EP400: variants seen among roughly 807,000 people sequenced by gnomAD.
EP400 encodes E1A-binding protein p400.
Under a neutral mutation model 354.1 loss-of-function variants are expected in EP400, and 105 were observed. The observed-to-expected ratio is 0.30, with a 90% CI of 0.25 to 0.35. The LOEUF (loss-of-function observed/expected upper bound fraction) is 0.35. Among genes scored for constraint, EP400 ranks in the 10% least tolerant of loss-of-function variants. EP400 has a pLI of 1.00. For missense variants in EP400, 3,280 were observed against 4,121.0 expected, an observed-to-expected ratio of 0.80 and a Z score of 5.59; for synonymous variants, 1,646 against 1,716.9, an observed-to-expected ratio of 0.96 and a Z score of 1.02.
At chr12:132,020,251 T>C (rs760881246) in intron 22 of EP400, 33 bp downstream of exon 22, 4 of 1,542,538 alleles carry the variant, frequency 2.6e-6, no homozygotes, top group Non-Finnish European at 3.5e-6. Context: ...CTCTCCGCCT[T>C]ATGGAGGTTT....
At chr12:132,003,514 T>C (rs1229183513) in intron 12 of EP400, among the ~76,000 whole-genome samples, 1 of 152,204 alleles carries the variant, frequency 6.6e-6, no homozygotes, top group African/African-American at 2.4e-5. Context: ...AGGTTTTTTT[T>C]TCTTCGATTT....
intron 50 of EP400, 64 bp from the exon 51 acceptor site, chr12:132,069,431 G>A: frequency 6.3e-7 from 1 of 1,579,316 alleles, no homozygotes; most frequent in East Asian, 2.2e-5. Flanking sequence ...AGAGCGGGCA[G>A]GCGTCCCGGG....
chr12:132,022,221 G>A (rs1894144080), intron 23 of EP400, among the ~76,000 whole-genome samples: 1 of 152,240 alleles, frequency 6.6e-6, no homozygotes, highest in Non-Finnish European at 1.5e-5. Context: ...TCTTGCGTGG[G>A]ATGAGAGTCA....
rs1424953807 is a variant in EP400 at position 132,029,994 on chromosome 12, T to A, written c.5590T>A (p.Leu1864Met). The change falls in exon 29 of 53, where the codon TTG (leucine) becomes ATG (methionine). Residue 1864 changes from leucine (L) to methionine (M), a missense_variant. This residue lies in a region of EP400 where 459 missense variants were observed against 496.9 expected (regional missense o/e 0.92). Transcript: ENST00000389561. This position sits in a 1 kb window ranked among gnomAD's most constrained non-coding sequence, Gnocchi z 4.7. ...TGATGTGATTCGTTTCCCAGGGAAGTTGGAAGCTTTAGCTATCTTGCTTCA... is the reference window on the plus strand; with the variant it reads ...TGATGTGATTCGTTTCCCAGGGAAGATGGAAGCTTTAGCTATCTTGCTTCA... ...LRLVQFDSGK[L>M]EALAILLQKL... 1 of 1,614,084 alleles carries A rather than the reference T, an allele frequency of 6.2e-7. No individual in the cohort carries two copies. The highest frequency in any genetic ancestry group is 1.7e-5 in the Admixed American group (1 of 60,022).
chr12:132,018,481 A>T lies in EP400; in HGVS notation c.4277+105A>T. The T allele has an allele frequency of 3.5e-6, 5 of 1,444,026 alleles. No homozygotes were observed. The highest frequency in any genetic ancestry group is 4.6e-6 in the Non-Finnish European group (5 of 1,083,304). 89.5% of individuals were successfully genotyped at this position (1,444,026 alleles called of 1,614,324 possible). On this transcript the variant is annotated intron_variant, in intron 21 of 52. Coordinates refer to ENST00000389561, the MANE Select transcript of EP400 (RefSeq NM_015409.5). This position sits in a 1 kb window ranked among gnomAD's most constrained non-coding sequence, Gnocchi z 4.0. Reference sequence around the variant, plus strand: ...GAAAGGCTGCTAATGTAGTTAGGTTATCTGCTGCTCTTGGGACCTTGCTGG... The same window carrying T: ...GAAAGGCTGCTAATGTAGTTAGGTTTTCTGCTGCTCTTGGGACCTTGCTGG...
rs915805442 is a variant in EP400, at chr12:132,044,987, G to T, written c.6784+34G>T. On this transcript the variant is annotated intron_variant, in intron 37 of 52. Transcript: ENST00000389561. ...CCCGAGGGCGTCACATGACCTGGGG[G>T]GGCCCTGGCCTGCAGAATCCCTGCA... 8.1e-6 allele frequency: 13 copies of T among 1,610,548 alleles called. No individual in the cohort carries two copies. In the Admixed American group the frequency reaches 1.5e-4, roughly 19 times the overall value.
rs1206745427 is a variant in EP400, at chr12:132,031,950, T to C, written c.5755-3T>C. ...CTAACTCCTGTGTTTTGTTTCATCT[T>C]AGGAACTGATGAGGAGTTTCAACAG... On this transcript the variant is annotated splice_polypyrimidine_tract_variant and splice_region_variant and intron_variant, in intron 29 of 52. Coordinates refer to ENST00000389561, the MANE Select transcript of EP400 (RefSeq NM_015409.5). 6.2e-6 allele frequency: 10 copies of C among 1,603,692 alleles called. No individual in the cohort carries two copies. Among genetic ancestry groups the C allele is most frequent in the Admixed American group, 1.7e-5 (1 of 59,150 alleles).
rs763971230 is a variant in EP400, at chr12:132,013,026, C to T, written c.3459C>T (p.Asn1153=). The T allele has an allele frequency of 6.2e-7, 1 of 1,612,120 alleles. No homozygotes were observed. The highest frequency in any genetic ancestry group is 1.1e-5 in the South Asian group (1 of 90,952). The part of the protein sequence containing the change: ...KAKRQEWAEP[N]SFHVCITSYT... ...TGCTGCAGGAGTGGGCCGAACCCAACAGCTTCCACGTCTGCATCACGTCCT... is the reference window on the plus strand; with the variant it reads ...TGCTGCAGGAGTGGGCCGAACCCAATAGCTTCCACGTCTGCATCACGTCCT... The change falls in exon 17 of 53, where the codon AAC becomes AAT. Residue 1153 remains asparagine, a synonymous_variant. Transcript: ENST00000389561. The surrounding 1 kb of genome is among the most constrained non-coding windows in gnomAD (Gnocchi z 4.5).
At chr12:131,950,606 G>A (rs1333918359) in intron 1 of EP400, among the ~76,000 whole-genome samples, 1 of 152,190 alleles carries the variant, frequency 6.6e-6, no homozygotes, top group Non-Finnish European at 1.5e-5. Flanking sequence ...GCTCCTTCTC[G>A]GCGTAGACCT....
chr12:131,968,878 C>T (rs1185192144), intron 2 of EP400, among the ~76,000 whole-genome samples: 1 of 152,016 alleles, frequency 6.6e-6, no homozygotes, highest in Non-Finnish European at 1.5e-5. Context: ...TATAGGTATA[C>T]AGTTGATTAT....
chr12:131,957,553 A>C (rs1307950771), intron 1 of EP400, among the ~76,000 whole-genome samples: 1 of 149,338 alleles, frequency 6.7e-6, no homozygotes, highest in African/African-American at 2.5e-5. Context: ...TAAATGTAAA[A>C]CTTGGAAAGT....
rs145207337 is a variant in EP400, at chr12:131,957,579, CTTTA to C, written c.-35-2982_-35-2979del. 1.2e-3 allele frequency among the ~76,000 whole-genome samples: 168 copies of C among 140,486 alleles called. No homozygotes were observed. In the Middle Eastern group the frequency reaches 0.053, roughly 45 times the overall value. 92.2% of individuals were successfully genotyped at this position (140,486 alleles called of 152,430 possible). A position where few individuals can be genotyped will look rare whatever the true frequency, so the allele number is the denominator to read the frequency against. ...CTTGGAAAGTTAGCTTATAAAAATG[CTTTA>C]TTTATTTATTTATTTATTTATTTGC... On this transcript the variant is annotated intron_variant, in intron 1 of 52. Coordinates refer to ENST00000389561, the MANE Select transcript of EP400 (RefSeq NM_015409.5).
intron 1 of EP400, among the ~76,000 whole-genome samples, chr12:131,951,769 T>A (rs1156403192): frequency 1.3e-5 from 2 of 151,584 alleles, no homozygotes; most frequent in African/African-American, 4.8e-5. Context: ...GCCCAGCTAA[T>A]TTTTTTGTAT....
Position 132,077,462 on chromosome 12 carries a change from T to A in EP400, c.9161T>A (p.Ile3054Asn). 6.2e-7 allele frequency: 1 copy of A among 1,613,360 alleles called. No homozygotes were observed. Among genetic ancestry groups the A allele is most frequent in the Non-Finnish European group, 8.5e-7 (1 of 1,180,004 alleles). The change falls in exon 53 of 53, where the codon ATC becomes AAC. Residue 3054 changes from isoleucine to asparagine, a missense_variant. Around this residue, in one of 20 missense-constraint regions of EP400, gnomAD observed 279 missense variants for 386.7 expected, o/e 0.72. Transcript: ENST00000389561. ...ATAAGQQVQM[I>N]PAVTATAQVV... ...GCGGCCGGGCAGCAGGTGCAGATGATCCCTGCAGTGACCGCGACTGCCCAG... is the reference window on the plus strand; with the variant it reads ...GCGGCCGGGCAGCAGGTGCAGATGAACCCTGCAGTGACCGCGACTGCCCAG...
rs1894360244 is a variant in EP400 at position 132,027,875 on chromosome 12, C to G, written c.5110-142C>G. The G allele has an allele frequency of 2.2e-6, 2 of 903,404 alleles. No homozygotes were observed. The highest frequency in any genetic ancestry group is 3.3e-6 in the Non-Finnish European group (2 of 605,172). The allele number at this position is 903,404 out of a possible 1,614,324, so 56.0% of individuals were successfully genotyped here. On this transcript the variant is annotated intron_variant, in intron 26 of 52. Transcript: ENST00000389561. The surrounding 1 kb of genome is among the most constrained non-coding windows in gnomAD (Gnocchi z 4.9). ...CTGTAGCTCTCGGCTTCATTTCTATCTCTATTTCCTGTAACACAAGACCGG... is the reference window on the plus strand; with the variant it reads ...CTGTAGCTCTCGGCTTCATTTCTATGTCTATTTCCTGTAACACAAGACCGG...
At chr12:132,077,065 C>G (rs1231134856) in intron 52 of EP400, among the ~76,000 whole-genome samples, 2 of 152,234 alleles carry the variant, frequency 1.3e-5, no homozygotes, top group Non-Finnish European at 2.9e-5. Context: ...TTTAAACTTT[C>G]TAAATTTTGT....
intron 19 of EP400, among the ~76,000 whole-genome samples, chr12:132,016,809 C>G (rs764204775): frequency 6.6e-6 from 1 of 152,184 alleles, no homozygotes; most frequent in Non-Finnish European, 1.5e-5. Flanking sequence ...CCCTGGTGTT[C>G]CTGTTTTAGG....
chr12:132,077,421 G>A lies in EP400; in HGVS notation c.9120G>A (p.Ala3040=), dbSNP rs370524264. 76 of 1,612,098 alleles carry A rather than the reference G, an allele frequency of 4.7e-5. No individual in the cohort carries two copies. Among genetic ancestry groups the A allele is most frequent in the Non-Finnish European group, 5.8e-5 (69 of 1,179,674 alleles). ...CTCAGGCTTCTCCACAGACTGTGGC[G>A]CTCACGCAGGCGACGGCGGCCGGGC... ...ASQQASPQTV[A]LTQATAAGQQ... is the part of the protein sequence containing the mutation. The change falls in exon 53 of 53, where the codon GCG becomes GCA. Residue 3040 remains alanine, a synonymous_variant. Transcript: ENST00000389561.
intron 15 of EP400, among the ~76,000 whole-genome samples, chr12:132,007,299 C>T (rs1392993573): frequency 6.6e-6 from 1 of 152,250 alleles, no homozygotes; most frequent in Admixed American, 6.5e-5. Context: ...CATGTCCATG[C>T]CTCCTCTCGT....
Sources: allele counts gnomAD v4.1 joint callset (sites outside exome capture counted in the v4.1 genomes callset), GRCh38; gene constraint gnomAD v4.1.1; regional missense constraint gnomAD v4.1.1; non-coding constraint Gnocchi (gnomAD v3.1); transcripts MANE v1.5; gene names NCBI Gene and HGNC (gene_info 2026-07-23, HGNC 2026-07-21).